The following ACOT7 variants were observed in gnomAD, a reference collection of about 807,000 sequenced individuals.
The protein encoded by ACOT7 is cytosolic acyl coenzyme A thioester hydrolase.
ACOT7 carries 12 observed loss-of-function variants against 40.2 expected under a neutral mutation model. The ratio of observed to expected loss-of-function variants is 0.30; its 90% CI spans 0.19 to 0.48. ACOT7 has a LOEUF of 0.48. ACOT7 is among the 20% of genes least tolerant of loss of function. ACOT7 has a pLI of 0.99. For synonymous variants in ACOT7, 228 were observed against 219.5 expected, an observed-to-expected ratio of 1.04 and a Z score of -0.34; for missense variants, 395 against 530.8, an observed-to-expected ratio of 0.74 and a Z score of 2.51.
At chr1:6,367,503 T>G (rs72859904) in intron 1 of ACOT7, among the ~76,000 whole-genome samples, 8,450 of 152,270 alleles carry the variant, frequency 0.055, 340 homozygotes, top group East Asian at 0.12. Context: ...GTACGGCCAC[T>G]GCACAGTCAG....
At chr1:6,323,489 G>A (rs913042796) in intron 5 of ACOT7, among the ~76,000 whole-genome samples, 6 of 151,844 alleles carry the variant, frequency 4.0e-5, no homozygotes, top group Admixed American at 2.0e-4. Context: ...AGGCTGAGGC[G>A]GGCGGATCGC....
At chr1:6,295,148 T>G in intron 6 of ACOT7, 168 bp from the exon 7 acceptor site, 3 of 498,938 alleles carry the variant, frequency 6.0e-6, no homozygotes, top group East Asian at 3.4e-5. Context: ...GCTCACGCGC[T>G]ACATGGGGCT....
chr1:6,279,787 G>A (rs913368147), intron 8 of ACOT7, among the ~76,000 whole-genome samples: 2 of 152,168 alleles, frequency 1.3e-5, no homozygotes, highest in African/African-American at 4.8e-5. Context: ...CTACCACCAC[G>A]GGCCCTGGTG....
intron 1 of ACOT7, among the ~76,000 whole-genome samples, chr1:6,380,739 A>G (rs1158627968): frequency 1.3e-5 from 2 of 150,738 alleles, no homozygotes; most frequent in Non-Finnish European, 3.0e-5. Context: ...CTCAAAATGG[A>G]TCATAAGCCG....
intron 8 of ACOT7, among the ~76,000 whole-genome samples, chr1:6,271,879 G>A (rs569980878): frequency 4.5e-4 from 68 of 152,392 alleles, no homozygotes; most frequent in African/African-American, 1.5e-3. Context: ...GGCTGCTGGC[G>A]GAGGCAGGGA....
At chr1:6,344,785 A>G (rs1360518639) in intron 2 of ACOT7, among the ~76,000 whole-genome samples, 17 of 150,256 alleles carry the variant, frequency 1.1e-4, no homozygotes, top group African/African-American at 1.5e-4. Context: ...AAAAAAAAAA[A>G]AAAAAGAAAA....
At chr1:6,304,954 C>A (rs1364932561) in intron 6 of ACOT7, among the ~76,000 whole-genome samples, 4 of 148,980 alleles carry the variant, frequency 2.7e-5, no homozygotes, top group Non-Finnish European at 5.9e-5. Context: ...GGGCTCCTCA[C>A]TTCCCAGTAG....
At chr1:6,378,067 A>AAAACAAAC (rs140819559) in intron 1 of ACOT7, among the ~76,000 whole-genome samples, 12 of 150,448 alleles carry the variant, frequency 8.0e-5, no homozygotes, top group Admixed American at 3.3e-4. Context: ...AAGACTCGTC[A>AAAACAAAC]AAACAAACAA....
At chr1:6,385,662 T>C (rs1465427950) in intron 1 of ACOT7, 1 of 1,611,736 alleles carries the variant, frequency 6.2e-7, no homozygotes, top group African/African-American at 1.3e-5. Flanking sequence ...GGCAAGCAGC[T>C]TCATCCTGCG....
intron 1 of ACOT7, among the ~76,000 whole-genome samples, chr1:6,387,862 G>A (rs1642464189): frequency 6.6e-6 from 1 of 152,048 alleles, no homozygotes; most frequent in Admixed American, 6.5e-5. Context: ...AAGAGAGCCA[G>A]CACTGTAAAT....
intron 4 of ACOT7, among the ~76,000 whole-genome samples, chr1:6,327,930 T>C (rs1414195390): frequency 6.6e-6 from 1 of 152,054 alleles, no homozygotes; most frequent in Non-Finnish European, 1.5e-5. Context: ...CCCGCCACCA[T>C]GCCCGGCTAA....
intron 5 of ACOT7, among the ~76,000 whole-genome samples, chr1:6,321,253 C>A (rs927636199): frequency 2.6e-5 from 4 of 152,172 alleles, no homozygotes; most frequent in African/African-American, 7.2e-5. Context: ...GGGGAGGTTA[C>A]TTTAAAGTTT....
Position 6,319,167 on chromosome 1 carries a change from A to G in ACOT7, c.626-589T>C, listed in dbSNP as rs1482014686. ...GCACTTAAGAAAAAAAGCCGATGAC[A>G]TATAACGTCCAGTCTCTAGAAGGTA... On this transcript the variant is annotated intron_variant, in intron 5 of 8. Coordinates refer to ENST00000361521, the MANE Select transcript of ACOT7 (RefSeq NM_007274.4). Among the ~76,000 whole-genome samples, 3 of 152,220 alleles carry G rather than the reference A, an allele frequency of 2.0e-5. No homozygotes were observed. The East Asian group carries it at 5.8e-4, about 29-fold the overall frequency.
In ACOT7 at chr1:6,306,571, G is replaced by C. The variant is rs1197501704; in HGVS notation, c.713-11591C>G. The C allele has an allele frequency of 1.0e-6, 1 of 985,328 alleles. No homozygotes were observed. The highest frequency in any genetic ancestry group is 1.1e-4 in the East Asian group (1 of 8,830). The allele number at this position is 985,328 out of a possible 1,614,324, so 61.0% of individuals were successfully genotyped here. On this transcript the variant is annotated intron_variant, in intron 6 of 8. Coordinates refer to ENST00000361521, the MANE Select transcript of ACOT7 (RefSeq NM_007274.4). This position sits in a 1 kb window ranked among gnomAD's most constrained non-coding sequence, Gnocchi z 4.3. Reference sequence around the variant, plus strand: ...AGAACAGAAGAACCTGGAGAACGATGTTTTCAAACACCAAGATCCTAGAAG... The same window carrying C: ...AGAACAGAAGAACCTGGAGAACGATCTTTTCAAACACCAAGATCCTAGAAG...
chr1:6,368,034 C>T (rs981427000), intron 1 of ACOT7, among the ~76,000 whole-genome samples: 1 of 152,214 alleles, frequency 6.6e-6, no homozygotes, highest in East Asian at 1.9e-4. Context: ...TGGCTGAGTC[C>T]GGGGTTTTTA....
chr1:6,269,790 G>A (rs562305806), intron 8 of ACOT7, among the ~76,000 whole-genome samples: 5 of 152,370 alleles, frequency 3.3e-5, no homozygotes, highest in Non-Finnish European at 7.3e-5. Flanking sequence ...CGGGATGGTA[G>A]TATCTGCTGG....
At position 6,264,679 on chromosome 1, in the gene ACOT7, T is replaced by C. The variant is rs1199521876; in HGVS notation, c.1031A>G (p.Glu344Gly). 2 of 1,613,380 alleles carry C rather than the reference T, an allele frequency of 1.2e-6. No individual in the cohort carries two copies. The highest frequency in any genetic ancestry group is 1.7e-6 in the Non-Finnish European group (2 of 1,179,946). Residue 344 changes from glutamate to glycine, a missense_variant, in exon 9 of 9, where the codon GAG becomes GGG. This residue lies in a region of ACOT7 where 309 missense variants were observed against 470.3 expected (regional missense o/e 0.66). Coordinates refer to ENST00000361521, the MANE Select transcript of ACOT7 (RefSeq NM_007274.4). ...TTTGCCTTCCTCAAAGCGCTTCTTC[T>C]CGTCCTCGGTCTCGGGCTGTGGACC... is the stretch of plus-strand genomic sequence containing the variant. The part of the protein sequence containing the change: ...VPQLVPETED[E>G]KKRFEEGKGR...
chr1:6,313,611 T>C (rs945216010), intron 6 of ACOT7, among the ~76,000 whole-genome samples: 2 of 152,072 alleles, frequency 1.3e-5, no homozygotes, highest in Admixed American at 1.3e-4. Context: ...ATGAGGACAT[T>C]GTGGCCAAAA....
Position 6,306,466 on chromosome 1 carries a change from G to A in ACOT7, c.713-11486C>T, listed in dbSNP as rs558394380. On this transcript the variant is annotated intron_variant, in intron 6 of 8. Coordinates refer to ENST00000361521, the MANE Select transcript of ACOT7 (RefSeq NM_007274.4). The surrounding 1 kb of genome is among the most constrained non-coding windows in gnomAD (Gnocchi z 4.3). Reference sequence around the variant, plus strand: ...AGGCTTTCAGGGTTGACACCATCTCGGGGTTCAAGGTTCAAGTTCACCAGT... The same window carrying A: ...AGGCTTTCAGGGTTGACACCATCTCAGGGTTCAAGGTTCAAGTTCACCAGT... 5.8e-5 allele frequency: 57 copies of A among 985,260 alleles called. No homozygotes were observed. Among genetic ancestry groups the A allele is most frequent in the Middle Eastern group, 5.2e-4 (1 of 1,912 alleles). 61.0% of individuals were successfully genotyped at this position (985,260 alleles called of 1,614,324 possible).
Sources: allele counts gnomAD v4.1 joint callset (sites outside exome capture counted in the v4.1 genomes callset), GRCh38; gene constraint gnomAD v4.1.1; regional missense constraint gnomAD v4.1.1; non-coding constraint Gnocchi (gnomAD v3.1); transcripts MANE v1.5; gene names NCBI Gene and HGNC (gene_info 2026-07-23, HGNC 2026-07-21).